Variants in TRAK1 observed in about 807,000 individuals in gnomAD.
The protein encoded by TRAK1 is trafficking kinesin protein 1.
TRAK1 carries 33 observed loss-of-function variants against 92.1 expected under a neutral mutation model. That is an observed-to-expected ratio of 0.36 (90% CI 0.27 to 0.48). The LOEUF (loss-of-function observed/expected upper bound fraction) is 0.48. Ranked by LOEUF, TRAK1 falls within the 20% of genes least tolerant of loss-of-function variation. The pLI, the probability that TRAK1 is intolerant of heterozygous loss-of-function variation, is 0.99. For synonymous variants in TRAK1, 521 were observed against 517.3 expected (o/e 1.01, Z -0.10); for missense variants, 1,123 against 1,257.9 (o/e 0.89, Z 1.62).
At position 42,209,752 on chromosome 3, in the gene TRAK1, C is replaced by T; in HGVS notation, c.1745-15C>T. 2 of 1,611,538 alleles carry T rather than the reference C, an allele frequency of 1.2e-6. No homozygotes were observed. Among genetic ancestry groups the T allele is most frequent in the Non-Finnish European group, 8.5e-7 (1 of 1,178,130 alleles). ...TCTCCTTGTCCCCCTTCTTCCCTTCCCTTTCTCCTGCAAGGTTCCGCCACA... is the reference window on the plus strand; with the variant it reads ...TCTCCTTGTCCCCCTTCTTCCCTTCTCTTTCTCCTGCAAGGTTCCGCCACA... On this transcript the variant is annotated splice_polypyrimidine_tract_variant and intron_variant, in intron 13 of 15. Coordinates refer to ENST00000327628, the MANE Select transcript of TRAK1 (RefSeq NM_001042646.3).
At chr3:42,080,289 T>A (rs572095687) in intron 1 of TRAK1, among the ~76,000 whole-genome samples, 66 of 152,252 alleles carry the variant, frequency 4.3e-4, no homozygotes, top group African/African-American at 1.5e-3. Flanking sequence ...GAATTGTTGA[T>A]CATTGAGTTG....
intron 7 of TRAK1, 71 bp from the exon 8 acceptor site, chr3:42,192,976 GATGGTTTTTCTTGTGCAAACCACAAAGA>G: frequency 6.6e-7 from 1 of 1,516,008 alleles, no homozygotes; most frequent in Non-Finnish European, 8.9e-7. Context: ...TTTTAGTAAG[GATGGTTTTTCTTGTGCAAACCACAAAGA>G]AACCATTCTC....
At chr3:42,137,859 A>ATCAC (rs1360745703) in intron 2 of TRAK1, among the ~76,000 whole-genome samples, 1 of 152,212 alleles carries the variant, frequency 6.6e-6, no homozygotes, top group Non-Finnish European at 1.5e-5. Flanking sequence ...CCTTGAGCAA[A>ATCAC]TCACTTATCA....
intron 10 of TRAK1, among the ~76,000 whole-genome samples, chr3:42,197,107 CAGG>C (rs996453651): frequency 2.0e-5 from 3 of 150,942 alleles, no homozygotes; most frequent in Non-Finnish European, 4.4e-5. Context: ...AATATTATTC[CAGG>C]AAGGAGTCCA....
At chr3:42,158,340 A>G (rs1042495486) in intron 2 of TRAK1, among the ~76,000 whole-genome samples, 20 of 152,180 alleles carry the variant, frequency 1.3e-4, no homozygotes, top group Non-Finnish European at 2.9e-5. Context: ...TGCTGAATGA[A>G]TCACGCACAA....
intron 14 of TRAK1, chr3:42,217,773 G>T: frequency 1.0e-6 from 1 of 985,176 alleles, no homozygotes. Flanking sequence ...CTCTTCCCAG[G>T]CTTTTTGTTA....
chr3:42,024,778 A>G (rs898609038), intron 1 of TRAK1, among the ~76,000 whole-genome samples: 2 of 152,016 alleles, frequency 1.3e-5, no homozygotes, highest in African/African-American at 4.8e-5. Context: ...CTGAGTTTTG[A>G]AATGTGGCGT....
chr3:42,202,501 C>G lies in TRAK1; in HGVS notation c.1493C>G (p.Ala498Gly). 6.6e-7 allele frequency: 1 copy of G among 1,519,908 alleles called. No homozygotes were observed. The highest frequency in any genetic ancestry group is 2.3e-5 in the East Asian group (1 of 43,388). 94.2% of individuals were successfully genotyped at this position (1,519,908 alleles called of 1,614,324 possible). ...CCAGGCTCCCACGACCTGGAGACGG[C>G]GCTGAGGCGGCTGTCCCTGCGCCGG... The part of the protein sequence containing the change: ...GTPGSHDLET[A>G]LRRLSLRREN... The change falls in exon 13 of 16, where the codon GCG becomes GGG. Residue 498 changes from alanine (A) to glycine (G), a missense_variant. This residue lies in a region of TRAK1 where 686 missense variants were observed against 747.6 expected (regional missense o/e 0.92). Coordinates refer to ENST00000327628, the MANE Select transcript of TRAK1 (RefSeq NM_001042646.3). This position sits in a 1 kb window ranked among gnomAD's most constrained non-coding sequence, Gnocchi z 6.1.
chr3:42,137,715 T>A (rs1018265123), intron 2 of TRAK1, among the ~76,000 whole-genome samples: 1 of 152,142 alleles, frequency 6.6e-6, no homozygotes, highest in Non-Finnish European at 1.5e-5. Flanking sequence ...TATCTCTGTG[T>A]GGGTTGGGTA....
rs141858067 is a variant in TRAK1 at position 42,058,532 on chromosome 3, C to T, written c.-518-28572C>T. On this transcript the variant is annotated intron_variant, in intron 1 of 16. Transcript: ENST00000487159. The stretch of plus-strand genomic sequence containing the variant: ...TTTTTTAATGTATTTTTGGTAGAGA[C>T]GAGGTTTCACCATGTTGGCTGGTCT... 3.0e-4 allele frequency among the ~76,000 whole-genome samples: 46 copies of T among 152,208 alleles called. No individual in the cohort carries two copies. In the East Asian group the frequency reaches 7.7e-3, roughly 26 times the overall value.
chr3:42,104,686 C>T (rs147353572), intron 1 of TRAK1, among the ~76,000 whole-genome samples: 53 of 152,282 alleles, frequency 3.5e-4, no homozygotes, highest in Non-Finnish European at 5.9e-4. Flanking sequence ...ACCAAAACCC[C>T]ATCTGTACGT....
rs77577502 is a variant in TRAK1, at chr3:42,074,231, T to C, written c.-518-12873T>C. Among the ~76,000 whole-genome samples the C allele has an allele frequency of 1.9e-4, 29 of 152,208 alleles. 1 individual carries two copies. The highest frequency in any genetic ancestry group is 1.6e-4 in the Non-Finnish European group (11 of 68,036). ...CTCTTGTAAAAAGTGGGTGCTGATA[T>C]TACTTTATAGGTTGTAAGCCTTAAA... On this transcript the variant is annotated intron_variant, in intron 1 of 16. Transcript: ENST00000487159.
intron 1 of TRAK1, among the ~76,000 whole-genome samples, chr3:42,038,349 G>T (rs1576149173): frequency 6.6e-6 from 1 of 152,234 alleles, no homozygotes; most frequent in East Asian, 1.9e-4. Context: ...TTTTGAGGCA[G>T]GTTCTCACTC....
At chr3:42,049,347 C>G (rs1702891691) in intron 1 of TRAK1, among the ~76,000 whole-genome samples, 1 of 151,326 alleles carries the variant, frequency 6.6e-6, no homozygotes, top group African/African-American at 2.4e-5. Flanking sequence ...TCTCTGAAAG[C>G]TTTTAGAAAT....
rs557516337 is a variant in TRAK1, at chr3:42,140,834, T to C, written c.286+15220T>C. On this transcript the variant is annotated intron_variant, in intron 2 of 15. Coordinates refer to ENST00000327628, the MANE Select transcript of TRAK1 (RefSeq NM_001042646.3). ...CATAGGCTTCTTGGCTGGCCCGGCA[T>C]ACAGGTGCCCTGACTAACAGGGAGG... Among the ~76,000 whole-genome samples, 24 of 152,298 alleles carry C rather than the reference T, an allele frequency of 1.6e-4. No individual in the cohort carries two copies. The East Asian group carries it at 4.6e-3, about 29-fold the overall frequency.
At chr3:42,181,359 CA>C (rs997176442) in intron 3 of TRAK1, among the ~76,000 whole-genome samples, 3 of 152,154 alleles carry the variant, frequency 2.0e-5, no homozygotes, top group African/African-American at 4.8e-5. Context: ...GCCTGGCCTA[CA>C]TGGTGAAACG....
intron 1 of TRAK1, among the ~76,000 whole-genome samples, chr3:42,045,406 G>A (rs1326445238): frequency 6.6e-6 from 1 of 152,068 alleles, no homozygotes; most frequent in Non-Finnish European, 1.5e-5. Context: ...ATAGTGGCGC[G>A]TGCCTGTAAT....
chr3:42,160,508 C>A (rs17069599), intron 2 of TRAK1: 1 of 1,604,370 alleles, frequency 6.2e-7, no homozygotes, highest in South Asian at 1.1e-5. Flanking sequence ...TTGATCCTTT[C>A]CTTGTTAGTA....
At chr3:42,095,496 A>G (rs1705773489) in intron 1 of TRAK1, among the ~76,000 whole-genome samples, 1 of 152,230 alleles carries the variant, frequency 6.6e-6, no homozygotes, top group South Asian at 2.1e-4. Context: ...GTCAGTGCAG[A>G]GCAGCTCTCA....
Sources: gnomAD v4.1 joint callset for allele counts (sites outside exome capture counted in the v4.1 genomes callset) on GRCh38, gnomAD v4.1.1 for gene constraint, gnomAD v4.1.1 regional missense constraint, Gnocchi (gnomAD v3.1) non-coding constraint, MANE v1.5 for transcripts, NCBI Gene and HGNC (gene_info 2026-07-23, HGNC 2026-07-21) for gene names.